The following PDE4D variants were observed in gnomAD, a reference collection of about 807,000 sequenced individuals.
The protein encoded by PDE4D is phosphodiesterase 4D, also known as 3',5'-cyclic-AMP phosphodiesterase 4D.
In PDE4D, 24 loss-of-function variants were observed where a neutral mutation model predicts 87.4. The ratio of observed to expected loss-of-function variants is 0.27; its 90% CI spans 0.20 to 0.39. The LOEUF (loss-of-function observed/expected upper bound fraction) is 0.39. PDE4D is among the 10% of genes least tolerant of loss of function. The pLI, the probability that PDE4D is intolerant of heterozygous loss-of-function variation, is 1.00. For synonymous variants in PDE4D, 384 were observed against 383.2 expected (o/e 1.00, Z -0.02); for missense variants, 714 against 1,041.0 (o/e 0.69, Z 4.32).
chr5:59,833,829 T>C (rs966214787), intron 1 of PDE4D, among the ~76,000 whole-genome samples: 1 of 152,076 alleles, frequency 6.6e-6, no homozygotes, highest in Non-Finnish European at 1.5e-5. Context: ...AAAATGCATA[T>C]GATAAACATA....
intron 5 of PDE4D, among the ~76,000 whole-genome samples, chr5:59,170,972 C>T (rs1237166327): frequency 6.6e-6 from 1 of 151,506 alleles, no homozygotes; most frequent in East Asian, 1.9e-4. Context: ...ACCTCTGCCT[C>T]CTGGGTTCAA....
At chr5:60,358,537 G>C (rs889329487) in intron 1 of PDE4D, among the ~76,000 whole-genome samples, 2 of 152,060 alleles carry the variant, frequency 1.3e-5, no homozygotes, top group Non-Finnish European at 2.9e-5. Context: ...GTGGTACCAA[G>C]CACTGCCTTT....
chr5:59,541,487 T>C (rs920415528), intron 1 of PDE4D, among the ~76,000 whole-genome samples: 1 of 152,248 alleles, frequency 6.6e-6, no homozygotes, highest in Non-Finnish European at 1.5e-5. Flanking sequence ...TACCTGGCTT[T>C]ATACTTCAAC....
intron 1 of PDE4D, among the ~76,000 whole-genome samples, chr5:60,246,138 G>C (rs1384315766): frequency 6.6e-6 from 1 of 150,616 alleles, no homozygotes; most frequent in Non-Finnish European, 1.5e-5. Context: ...TTCTTATATA[G>C]GCATTTAAAG....
chr5:59,587,937 G>T (rs1825415097), intron 1 of PDE4D, among the ~76,000 whole-genome samples: 1 of 151,664 alleles, frequency 6.6e-6, no homozygotes. Flanking sequence ...GAAAAAAAAA[G>T]AAATAAAAGA....
intron 1 of PDE4D, among the ~76,000 whole-genome samples, chr5:59,665,636 G>A (rs1021263849): frequency 6.6e-6 from 1 of 152,182 alleles, no homozygotes; most frequent in African/African-American, 2.4e-5. Context: ...GACCAGCTAT[G>A]ATCTGAACAT....
intron 3 of PDE4D, among the ~76,000 whole-genome samples, chr5:59,982,142 T>C (rs1360565424): frequency 6.6e-6 from 1 of 152,204 alleles, no homozygotes; most frequent in Non-Finnish European, 1.5e-5. Context: ...ATGTCTTCTT[T>C]TACATTCTTT....
chr5:60,277,583 T>A (rs945722284), intron 1 of PDE4D, among the ~76,000 whole-genome samples: 56 of 152,260 alleles, frequency 3.7e-4, no homozygotes, highest in African/African-American at 1.3e-3. Context: ...TAATATTACA[T>A]CATATACTGA....
intron 6 of PDE4D, among the ~76,000 whole-genome samples, chr5:59,015,745 A>C (rs994074522): frequency 1.3e-5 from 2 of 152,198 alleles, no homozygotes; most frequent in Non-Finnish European, 2.9e-5. Flanking sequence ...AACTAGAAAT[A>C]CCATTTGACC....
intron 5 of PDE4D, among the ~76,000 whole-genome samples, chr5:59,106,630 C>T (rs973503434): frequency 6.6e-6 from 1 of 152,130 alleles, no homozygotes; most frequent in Non-Finnish European, 1.5e-5. Context: ...CGTGGTGGCG[C>T]ATGACTGTAA....
intron 1 of PDE4D, among the ~76,000 whole-genome samples, chr5:59,501,954 T>G (rs960817059): frequency 6.6e-6 from 1 of 152,140 alleles, no homozygotes; most frequent in African/African-American, 2.4e-5. Context: ...ATTTTGCTCT[T>G]GCTTGCAGTT....
intron 1 of PDE4D, among the ~76,000 whole-genome samples, chr5:60,375,724 T>G (rs899258679): frequency 6.6e-6 from 1 of 152,162 alleles, no homozygotes; most frequent in African/African-American, 2.4e-5. Context: ...CAAAATACAG[T>G]GTATCTAATA....
intron 2 of PDE4D, among the ~76,000 whole-genome samples, chr5:59,197,254 T>C (rs775097724): frequency 7.9e-5 from 12 of 152,204 alleles, no homozygotes; most frequent in Non-Finnish European, 1.5e-4. Flanking sequence ...ATAAGTATTA[T>C]AAGTAATACA....
chr5:59,402,607 A>G (rs1170936475), intron 1 of PDE4D, among the ~76,000 whole-genome samples: 2 of 122,784 alleles, frequency 1.6e-5, no homozygotes, highest in Non-Finnish European at 1.8e-5. Flanking sequence ...TCTACCTATT[A>G]TCATGATAAT....
chr5:59,180,971 T>A (rs1741397640), intron 4 of PDE4D, among the ~76,000 whole-genome samples: 2 of 152,226 alleles, frequency 1.3e-5, no homozygotes, highest in Admixed American at 1.3e-4. Context: ...AGACTCTGAA[T>A]TTGAAAAAGC....
At chr5:59,722,794 C>T (rs989274139) in intron 1 of PDE4D, among the ~76,000 whole-genome samples, 2 of 152,100 alleles carry the variant, frequency 1.3e-5, no homozygotes, top group Non-Finnish European at 2.9e-5. Context: ...AGGAATTTCA[C>T]TTGAATCTAA....
intron 1 of PDE4D, among the ~76,000 whole-genome samples, chr5:59,222,217 C>G (rs1173101184): frequency 2.6e-5 from 4 of 152,226 alleles, no homozygotes; most frequent in African/African-American, 7.2e-5. Context: ...CATCCACGCT[C>G]TCAACTGCTC....
At chr5:59,199,192 CAAAT>C (rs908003313) in intron 2 of PDE4D, among the ~76,000 whole-genome samples, 1 of 151,846 alleles carries the variant, frequency 6.6e-6, no homozygotes, top group African/African-American at 2.4e-5. Flanking sequence ...TTTAGCATGA[CAAAT>C]GAATGCATGA....
intron 2 of PDE4D, among the ~76,000 whole-genome samples, chr5:59,195,624 T>C (rs1296080177): frequency 4.6e-5 from 7 of 152,344 alleles, no homozygotes; most frequent in Admixed American, 3.3e-4. Flanking sequence ...CTCTGCCACA[T>C]ACTAGGTGTG....
Sources: allele counts gnomAD v4.1 joint callset (sites outside exome capture counted in the v4.1 genomes callset), GRCh38; gene constraint gnomAD v4.1.1; transcripts MANE v1.5; gene names NCBI Gene and HGNC (gene_info 2026-07-23, HGNC 2026-07-21).